RNF217: variants seen among roughly 807,000 people sequenced by gnomAD.
The protein encoded by RNF217 is ring finger protein 217.
Under a neutral mutation model 57.8 loss-of-function variants are expected in RNF217, and 31 were observed. That is an observed-to-expected ratio of 0.54 (90% CI 0.40 to 0.72). The LOEUF is 0.72. Ranked by LOEUF, RNF217 falls within the 30% of genes least tolerant of loss-of-function variation. The pLI, the probability that RNF217 is intolerant of heterozygous loss-of-function variation, is 0.00. For missense variants in RNF217, 696 were observed against 708.3 expected, an observed-to-expected ratio of 0.98 and a Z score of 0.20; for synonymous variants, 313 against 294.0, an observed-to-expected ratio of 1.06 and a Z score of -0.66.
rs764265806 is a variant in RNF217 at position 124,962,860 on chromosome 6, G to C, written c.316G>C (p.Glu106Gln). 2.3e-5 allele frequency: 36 copies of C among 1,597,944 alleles called. No individual in the cohort carries two copies. The highest frequency in any genetic ancestry group is 2.2e-5 in the East Asian group (1 of 44,826). The change falls in exon 1 of 6, where the codon GAG becomes CAG. Residue 106 changes from glutamate to glutamine, a missense_variant. Physicochemically the swap from Glu to Gln is conservative, Grantham distance 29. Coordinates refer to ENST00000521654, the MANE Select transcript of RNF217 (RefSeq NM_001286398.3). This position sits in a 1 kb window ranked among gnomAD's most constrained non-coding sequence, Gnocchi z 4.6. ...TCCCCAGACCTTGCCACTGCAGTTG[G>C]AGCTGGAGGAGGAAGAGGAGGAAGC... ...LNPQTLPLQL[E>Q]LEEEEEEAGD...
intron 2 of RNF217, among the ~76,000 whole-genome samples, chr6:125,053,738 T>A (rs1311625050): frequency 6.6e-6 from 1 of 152,086 alleles, no homozygotes; most frequent in Non-Finnish European, 1.5e-5. Context: ...CTGGTAAAAC[T>A]AAGGGTATTC....
At chr6:125,054,011 A>T (rs1391938997) in intron 2 of RNF217, among the ~76,000 whole-genome samples, 2 of 152,100 alleles carry the variant, frequency 1.3e-5, no homozygotes, top group Admixed American at 1.3e-4. Flanking sequence ...TTTTCTTTGA[A>T]TTCATTTAAT....
At chr6:124,989,904 C>A (rs994390225) in intron 1 of RNF217, among the ~76,000 whole-genome samples, 6 of 148,406 alleles carry the variant, frequency 4.0e-5, no homozygotes, top group Non-Finnish European at 7.5e-5. Flanking sequence ...ACAACAAAAC[C>A]CCCCTTGTAG....
intron 1 of RNF217, among the ~76,000 whole-genome samples, chr6:125,038,509 A>C (rs2114504357): frequency 6.6e-6 from 1 of 152,308 alleles, no homozygotes; most frequent in Non-Finnish European, 1.5e-5. Flanking sequence ...TAGAAGAAAT[A>C]AGATTGGCTC....
intron 1 of RNF217, among the ~76,000 whole-genome samples, chr6:124,974,335 TTTAA>T (rs1382475839): frequency 4.7e-4 from 71 of 152,218 alleles, no homozygotes; most frequent in Non-Finnish European, 5.9e-5. Context: ...TTTTCAATCA[TTTAA>T]TTAAATATTT....
At chr6:125,018,222 AAAT>A (rs1186253299) in intron 1 of RNF217, among the ~76,000 whole-genome samples, 1 of 152,154 alleles carries the variant, frequency 6.6e-6, no homozygotes, top group Non-Finnish European at 1.5e-5. Context: ...ACAGTGTTTT[AAAT>A]AATTTCTTAC....
intron 1 of RNF217, among the ~76,000 whole-genome samples, chr6:124,982,418 A>G (rs1291660720): frequency 1.3e-5 from 2 of 152,138 alleles, no homozygotes; most frequent in Non-Finnish European, 2.9e-5. Flanking sequence ...AATACAAGAT[A>G]CTTTTTCAAT....
intron 2 of RNF217, among the ~76,000 whole-genome samples, chr6:125,047,103 G>A (rs1459246878): frequency 1.3e-5 from 2 of 151,944 alleles, no homozygotes; most frequent in African/African-American, 4.8e-5. Flanking sequence ...GAAATTACTA[G>A]TTTTAGAAGG....
Position 124,963,352 on chromosome 6 carries a change from A to C in RNF217, c.808A>C (p.Lys270Gln). The C allele has an allele frequency of 6.5e-7, 1 of 1,529,852 alleles. No individual in the cohort carries two copies. The allele number at this position is 1,529,852 out of a possible 1,614,324, so 94.8% of individuals were successfully genotyped here. Residue 270 changes from lysine to glutamine, a missense_variant, in exon 1 of 6, where the codon AAG becomes CAG. By Grantham distance (53) the Lys-to-Gln change is moderately conservative. Coordinates refer to ENST00000521654, the MANE Select transcript of RNF217 (RefSeq NM_001286398.3). ...VLMCRVCLED[K>Q]PIKPLPCCKK... ...GATGTGCCGGGTGTGCCTGGAAGAC[A>C]AGCCCATCAAGCCCCTGCCTTGCTG...
intron 1 of RNF217, among the ~76,000 whole-genome samples, chr6:125,044,309 G>A (rs147067982): frequency 5.9e-5 from 9 of 152,116 alleles, no homozygotes; most frequent in Non-Finnish European, 1.3e-4. Flanking sequence ...AATATAAAGA[G>A]TTATTGTTCA....
intron 1 of RNF217, among the ~76,000 whole-genome samples, chr6:124,978,260 C>T (rs1003141531): frequency 5.3e-5 from 8 of 152,024 alleles, no homozygotes; most frequent in Non-Finnish European, 1.5e-5. Flanking sequence ...TTGGCCACTG[C>T]TGCCTCTGCC....
chr6:125,049,685 A>C (rs574729407), intron 2 of RNF217, among the ~76,000 whole-genome samples: 2 of 151,938 alleles, frequency 1.3e-5, no homozygotes, highest in South Asian at 4.1e-4. Context: ...CACATACTGG[A>C]AAGTATTATG....
At chr6:125,062,648 C>A (rs1787780001) in intron 3 of RNF217, among the ~76,000 whole-genome samples, 1 of 152,078 alleles carries the variant, frequency 6.6e-6, no homozygotes, top group South Asian at 2.1e-4. Flanking sequence ...GCTATCTCGG[C>A]TCACTGCAAC....
intron 1 of RNF217, among the ~76,000 whole-genome samples, chr6:125,010,755 C>G (rs1448193041): frequency 1.3e-5 from 2 of 152,034 alleles, no homozygotes; most frequent in Non-Finnish European, 2.9e-5. Flanking sequence ...CAGGTTAAAC[C>G]AAGGACTCTG....
intron 1 of RNF217, among the ~76,000 whole-genome samples, chr6:125,017,750 AT>A (rs1040088161): frequency 7.9e-5 from 12 of 152,040 alleles, no homozygotes; most frequent in African/African-American, 2.7e-4. Flanking sequence ...AACTGACTGT[AT>A]TTTTTTATTG....
intron 1 of RNF217, among the ~76,000 whole-genome samples, chr6:125,014,363 A>G (rs989195627): frequency 2.0e-5 from 3 of 152,216 alleles, no homozygotes; most frequent in Non-Finnish European, 2.9e-5. Flanking sequence ...CAGCCTCGGT[A>G]CAATTCTGTG....
At chr6:125,006,545 T>C (rs951991351) in intron 1 of RNF217, among the ~76,000 whole-genome samples, 1 of 152,248 alleles carries the variant, frequency 6.6e-6, no homozygotes, top group Non-Finnish European at 1.5e-5. Flanking sequence ...ATAAACTTCA[T>C]AATTAATTTC....
chr6:125,041,160 A>G (rs1332699056), intron 1 of RNF217, among the ~76,000 whole-genome samples: 1 of 152,116 alleles, frequency 6.6e-6, no homozygotes, highest in African/African-American at 2.4e-5. Context: ...GTACATATAT[A>G]TTAAAACATC....
At chr6:125,082,746 A>T (rs974042603) in intron 5 of RNF217, 118 bp from the exon 6 acceptor site, 23 of 1,147,070 alleles carry the variant, frequency 2.0e-5, no homozygotes, top group Non-Finnish European at 2.9e-5. Flanking sequence ...ATTTCATAGC[A>T]TAGATGTCTT....
Sources: allele counts gnomAD v4.1 joint callset (sites outside exome capture counted in the v4.1 genomes callset), GRCh38; gene constraint gnomAD v4.1.1; non-coding constraint Gnocchi (gnomAD v3.1); transcripts MANE v1.5; gene names NCBI Gene and HGNC (gene_info 2026-07-23, HGNC 2026-07-21).